The following PACS1 variants were observed in gnomAD, a reference collection of about 807,000 sequenced individuals.
PACS1 encodes the protein PACS-1.
PACS1 carries 24 observed loss-of-function variants against 115.0 expected under a neutral mutation model. The ratio of observed to expected loss-of-function variants is 0.21; its 90% CI spans 0.15 to 0.29. The LOEUF is 0.29. PACS1 is among the 10% of genes least tolerant of loss of function. The pLI is 1.00. For synonymous variants in PACS1, 453 were observed against 504.5 expected (o/e 0.90, Z 1.37); for missense variants, 838 against 1,251.2 (o/e 0.67, Z 4.98).
Position 66,158,000 on chromosome 11 carries a change from G to T in PACS1, c.357-35486G>T, listed in dbSNP as rs1204339067. Among the ~76,000 whole-genome samples the T allele has an allele frequency of 3.9e-5, 6 of 152,264 alleles. No individual in the cohort carries two copies. In the Middle Eastern group the frequency reaches 0.014, roughly 345 times the overall value. On this transcript the variant is annotated intron_variant, in intron 1 of 23. Transcript: ENST00000320580. ...TTTTGAGACAGGGTCTGGCTCTGTT[G>T]CCCAGGCTGGAGTGCAGTGGCATGA...
chr11:66,220,880 C>A, intron 9 of PACS1, 89 bp downstream of exon 9: 1 of 1,379,260 alleles, frequency 7.3e-7, no homozygotes, highest in Non-Finnish European at 1.0e-6. Context: ...CCCTCTATTA[C>A]CAGAGAATCT....
chr11:66,162,112 G>GTTT lies in PACS1; in HGVS notation c.357-31345_357-31343dup, dbSNP rs58980906. 2.6e-3 allele frequency among the ~76,000 whole-genome samples: 148 copies of GTTT among 56,370 alleles called. 22 individuals are homozygous for GTTT. In the East Asian group the frequency reaches 0.056, roughly 21 times the overall value. 37.0% of individuals were successfully genotyped at this position (56,370 alleles called of 152,430 possible). On this transcript the variant is annotated intron_variant, in intron 1 of 23. Coordinates refer to ENST00000320580, the MANE Select transcript of PACS1 (RefSeq NM_018026.4). Reference sequence around the variant, plus strand: ...ATGTTTTCTGTTGGTGGTGGTGGTGGTTTTTTTTTTTTTTTTTTTTTTTTT... The same window carrying GTTT: ...ATGTTTTCTGTTGGTGGTGGTGGTGGTTTTTTTTTTTTTTTTTTTTTTTTTTTT...
At chr11:66,167,623 T>C (rs1251443138) in intron 1 of PACS1, among the ~76,000 whole-genome samples, 4 of 150,304 alleles carry the variant, frequency 2.7e-5, no homozygotes, top group Non-Finnish European at 5.9e-5. Flanking sequence ...TACCTCAGAG[T>C]CATAAAAATA....
At chr11:66,165,224 C>T (rs1590790512) in intron 1 of PACS1, among the ~76,000 whole-genome samples, 1 of 152,200 alleles carries the variant, frequency 6.6e-6, no homozygotes, top group Non-Finnish European at 1.5e-5. Flanking sequence ...CAGCATCTGA[C>T]ACATCTTCTG....
chr11:66,090,022 A>AAAAG, intron 1 of PACS1, among the ~76,000 whole-genome samples: 1 of 151,068 alleles, frequency 6.6e-6, no homozygotes, highest in Non-Finnish European at 1.5e-5. Context: ...AAAAAAAAAA[A>AAAAG]AAAGAAATGC....
chr11:66,124,860 G>C (rs1334030625), intron 1 of PACS1, among the ~76,000 whole-genome samples: 4 of 152,182 alleles, frequency 2.6e-5, no homozygotes, highest in African/African-American at 9.7e-5. Context: ...GCCTGGCAAA[G>C]GCATCAAGGA....
intron 1 of PACS1, among the ~76,000 whole-genome samples, chr11:66,187,637 C>A (rs1170205873): frequency 6.6e-6 from 1 of 152,194 alleles, no homozygotes; most frequent in Non-Finnish European, 1.5e-5. Flanking sequence ...ATGACAGGAT[C>A]TCACACTTTT....
chr11:66,222,532 A>G (rs1855374129), intron 10 of PACS1, among the ~76,000 whole-genome samples: 1 of 152,136 alleles, frequency 6.6e-6, no homozygotes, highest in African/African-American at 2.4e-5. Flanking sequence ...TTACAATGGA[A>G]GGCAAGTGAG....
intron 1 of PACS1, among the ~76,000 whole-genome samples, chr11:66,152,230 GAAAA>G (rs879368450): frequency 4.0e-5 from 6 of 150,686 alleles, no homozygotes; most frequent in Admixed American, 3.3e-4. Flanking sequence ...TGTCTCAAAA[GAAAA>G]AAAAAGTTCA....
At chr11:66,075,730 T>A (rs1857382991) in intron 1 of PACS1, among the ~76,000 whole-genome samples, 1 of 151,364 alleles carries the variant, frequency 6.6e-6, no homozygotes, top group Non-Finnish European at 1.5e-5. Flanking sequence ...ACCCTAGCAT[T>A]AAAAGTCCTT....
chr11:66,176,781 T>C (rs1441272072), intron 1 of PACS1, among the ~76,000 whole-genome samples: 7 of 152,146 alleles, frequency 4.6e-5, no homozygotes, highest in Non-Finnish European at 1.5e-5. Context: ...GCTTTGAACA[T>C]GATGTTCTCT....
chr11:66,075,222 C>T (rs4604890), intron 1 of PACS1, among the ~76,000 whole-genome samples: 31,671 of 151,972 alleles, frequency 0.21, 3,406 homozygotes, highest in Middle Eastern at 0.3. Flanking sequence ...GGATTACAGG[C>T]GTGAGCCACC....
intron 2 of PACS1, among the ~76,000 whole-genome samples, chr11:66,200,889 T>C (rs1202245748): frequency 1.3e-5 from 2 of 151,580 alleles, no homozygotes; most frequent in Non-Finnish European, 2.9e-5. Flanking sequence ...ATAGGCCATA[T>C]GTTAGGTTAC....
intron 2 of PACS1, among the ~76,000 whole-genome samples, chr11:66,206,794 G>T (rs1398116286): frequency 6.6e-6 from 1 of 152,238 alleles, no homozygotes; most frequent in Non-Finnish European, 1.5e-5. Context: ...TGAGGGCCAT[G>T]CAGGTATCTG....
intron 1 of PACS1, among the ~76,000 whole-genome samples, chr11:66,106,128 G>A (rs1320125379): frequency 6.6e-6 from 1 of 152,134 alleles, no homozygotes; most frequent in Non-Finnish European, 1.5e-5. Flanking sequence ...CTTTCAGCCT[G>A]CCTTTAAAAA....
At chr11:66,148,728 C>T (rs1387434026) in intron 1 of PACS1, among the ~76,000 whole-genome samples, 3 of 152,112 alleles carry the variant, frequency 2.0e-5, no homozygotes, top group Non-Finnish European at 4.4e-5. Flanking sequence ...GAGTTCAAGA[C>T]CAGCCTGGCC....
At position 66,239,226 on chromosome 11, in the gene PACS1, C is replaced by A; in HGVS notation, c.2378C>A (p.Thr793Lys). The change falls in exon 21 of 24, where the codon ACG (threonine) becomes AAG (lysine). Residue 793 changes from threonine to lysine, a missense_variant. Transcript: ENST00000320580. ...AGCTCGGGCCTGAGCCGAGACGCCA[C>A]GGCCACCCCTCCCTCCTCCCCATCT... is the stretch of plus-strand genomic sequence containing the variant. ...PSSSGLSRDA[T>K]ATPPSSPSMS... 6.2e-7 allele frequency: 1 copy of A among 1,613,842 alleles called. No individual in the cohort carries two copies.
At chr11:66,225,763 C>A (rs1855459032) in intron 10 of PACS1, among the ~76,000 whole-genome samples, 1 of 152,188 alleles carries the variant, frequency 6.6e-6, no homozygotes, top group Non-Finnish European at 1.5e-5. Flanking sequence ...TCACCCAGTT[C>A]ATTCTCTTTA....
chr11:66,080,555 C>CT (rs546575408), intron 1 of PACS1, among the ~76,000 whole-genome samples: 71 of 152,250 alleles, frequency 4.7e-4, no homozygotes, highest in African/African-American at 1.7e-3. Context: ...GCTACGATCC[C>CT]TTTTCTCAGA....
Sources: gnomAD v4.1 joint callset for allele counts (sites outside exome capture counted in the v4.1 genomes callset) on GRCh38, gnomAD v4.1.1 for gene constraint, MANE v1.5 for transcripts, NCBI Gene and HGNC (gene_info 2026-07-23, HGNC 2026-07-21) for gene names.